FARS2: variants seen among roughly 807,000 people sequenced by gnomAD.
The protein encoded by FARS2 is phenylalanyl-tRNA synthetase 2, mitochondrial.
A neutral mutation model predicts 46.4 loss-of-function variants in FARS2; 40 were observed. That is an observed-to-expected ratio of 0.86 (90% CI 0.67 to 1.12). The LOEUF is 1.12. FARS2 is among the 50% of genes most tolerant of loss of function. FARS2 has a pLI of 0.00. For missense variants in FARS2, 513 were observed against 567.9 expected (o/e 0.90, Z 0.98); for synonymous variants, 234 against 214.9 (o/e 1.09, Z -0.78).
chr6:5,602,095 A>G (rs1774555143), intron 5 of FARS2, among the ~76,000 whole-genome samples: 2 of 152,210 alleles, frequency 1.3e-5, no homozygotes. Context: ...GAATGACTTA[A>G]TAATGATTGA....
chr6:5,667,494 G>A (rs917402776), intron 6 of FARS2, among the ~76,000 whole-genome samples: 2 of 150,866 alleles, frequency 1.3e-5, no homozygotes, highest in Admixed American at 1.3e-4. Context: ...CTCCAGCCTG[G>A]GCAACACAGC....
chr6:5,620,554 G>A (rs1451911858), intron 6 of FARS2, among the ~76,000 whole-genome samples: 1 of 152,140 alleles, frequency 6.6e-6, no homozygotes, highest in Non-Finnish European at 1.5e-5. Flanking sequence ...TCTTTCCATG[G>A]TGTCACCACT....
intron 4 of FARS2, among the ~76,000 whole-genome samples, chr6:5,542,404 G>T (rs567706466): frequency 6.6e-6 from 1 of 152,290 alleles, no homozygotes; most frequent in South Asian, 2.1e-4. Context: ...CAGTGCACAT[G>T]TTTCCATATC....
intron 4 of FARS2, among the ~76,000 whole-genome samples, chr6:5,473,543 A>ACC (rs777002304): frequency 2.0e-5 from 2 of 101,674 alleles, no homozygotes; most frequent in African/African-American, 9.1e-5. Context: ...CAAAAAAAAA[A>ACC]ACAAAAAAAA....
chr6:5,365,630 G>A (rs1758625662), intron 1 of FARS2, among the ~76,000 whole-genome samples: 2 of 151,266 alleles, frequency 1.3e-5, no homozygotes, highest in African/African-American at 4.9e-5. Context: ...AGGATCATAG[G>A]CGTGAGCCAC....
intron 6 of FARS2, among the ~76,000 whole-genome samples, chr6:5,614,048 A>AG (rs1377956667): frequency 6.6e-6 from 1 of 152,102 alleles, no homozygotes; most frequent in Non-Finnish European, 1.5e-5. Flanking sequence ...TCAAGGACCA[A>AG]GGGGGAGGCT....
In FARS2 at chr6:5,489,884, A is replaced by G. The variant is rs1457842876; in HGVS notation, c.905-55296A>G. Among the ~76,000 whole-genome samples, 4 of 152,378 alleles carry G rather than the reference A, an allele frequency of 2.6e-5. No individual in the cohort carries two copies. In the East Asian group the frequency reaches 5.8e-4, roughly 22 times the overall value. On this transcript the variant is annotated intron_variant, in intron 4 of 6. Coordinates refer to ENST00000274680, the MANE Select transcript of FARS2 (RefSeq NM_006567.5). ...TTGAAGTTGAAAAGCATATAATGCC[A>G]TGCACATAATAATATTTTTTATTAC...
At chr6:5,537,862 C>T (rs10080503) in intron 4 of FARS2, among the ~76,000 whole-genome samples, 3,293 of 152,252 alleles carry the variant, frequency 0.022, 42 homozygotes, top group Middle Eastern at 0.027. Flanking sequence ...TCTCCTCCTC[C>T]TCCACTTTCT....
At chr6:5,548,442 A>T (rs566213235) in intron 5 of FARS2, among the ~76,000 whole-genome samples, 15 of 152,190 alleles carry the variant, frequency 9.9e-5, no homozygotes, top group Admixed American at 2.0e-4. Flanking sequence ...TACTTGAATA[A>T]TTATCTGTTT....
intron 1 of FARS2, among the ~76,000 whole-genome samples, chr6:5,315,738 T>TTTCTTTC: frequency 0.022 from 2,712 of 125,240 alleles, 90 homozygotes; most frequent in African/African-American, 0.078. Flanking sequence ...TTCTTTCTTT[T>TTTCTTTC]TTCCTTTCTT....
At chr6:5,324,083 C>A (rs796467865) in intron 1 of FARS2, among the ~76,000 whole-genome samples, 23 of 152,290 alleles carry the variant, frequency 1.5e-4, no homozygotes, top group African/African-American at 5.5e-4. Context: ...CCAGTATGTA[C>A]TCTTAGTCTG....
In FARS2 at chr6:5,450,447, G is replaced by A. The variant is rs1764421050; in HGVS notation, c.904+19275G>A. On this transcript the variant is annotated intron_variant, in intron 4 of 6. Coordinates refer to ENST00000274680, the MANE Select transcript of FARS2 (RefSeq NM_006567.5). Reference sequence around the variant, plus strand: ...AGGCATTTGGGTTTGGGGCGGCCTTGGTCTCCTGCTCCAGCTCCCCCATGC... The same window carrying A: ...AGGCATTTGGGTTTGGGGCGGCCTTAGTCTCCTGCTCCAGCTCCCCCATGC... Among the ~76,000 whole-genome samples the A allele has an allele frequency of 5.3e-5, 8 of 151,990 alleles. No individual in the cohort carries two copies. In the South Asian group the frequency reaches 1.7e-3, roughly 32 times the overall value.
intron 5 of FARS2, 64 bp downstream of exon 5, chr6:5,545,404 C>G: frequency 8.1e-7 from 1 of 1,235,290 alleles, no homozygotes. Flanking sequence ...TCGACAGGAT[C>G]ATGTACTTGA....
chr6:5,661,910 A>AAG (rs1429441155), intron 6 of FARS2, among the ~76,000 whole-genome samples: 2 of 152,292 alleles, frequency 1.3e-5, no homozygotes, highest in East Asian at 1.9e-4. Flanking sequence ...GTAACTATAT[A>AAG]AGAGAGAGAG....
upstream of FARS2, among the ~76,000 whole-genome samples, chr6:5,257,223 T>A (rs555620946): frequency 6.6e-6 from 1 of 152,132 alleles, no homozygotes; most frequent in East Asian, 1.9e-4. Context: ...TCAGTGGCCC[T>A]CTCCAACCTC....
At chr6:5,389,736 G>T (rs1760369651) in intron 2 of FARS2, among the ~76,000 whole-genome samples, 1 of 152,136 alleles carries the variant, frequency 6.6e-6, no homozygotes, top group Admixed American at 6.5e-5. Context: ...ATGTTACAAT[G>T]GAAAAATGCC....
intron 1 of FARS2, among the ~76,000 whole-genome samples, chr6:5,315,761 T>TCTTTCTTTCTTCCTTTC (rs1561952069): frequency 7.5e-6 from 1 of 132,638 alleles, no homozygotes; most frequent in Non-Finnish European, 1.6e-5. Context: ...TTTCTTTCTT[T>TCTTTCTTTCTTCCTTTC]TTTTTGGGGA....
chr6:5,311,264 C>T lies in FARS2; in HGVS notation c.-22+49604C>T, dbSNP rs1242798300. ...ACATGACCCTGTTTGTGTTAAGAAT[C>T]AAAAGGAGTATGTTTTACTGATAGA... On this transcript the variant is annotated intron_variant, in intron 1 of 6. Transcript: ENST00000274680. The surrounding 1 kb of genome is among the most constrained non-coding windows in gnomAD (Gnocchi z 4.1). Among the ~76,000 whole-genome samples, 1 of 152,138 alleles carries T rather than the reference C, an allele frequency of 6.6e-6. No individual in the cohort carries two copies. The highest frequency in any genetic ancestry group is 1.5e-5 in the Non-Finnish European group (1 of 68,022).
At chr6:5,619,017 G>A (rs1479797890) in intron 6 of FARS2, among the ~76,000 whole-genome samples, 1 of 152,182 alleles carries the variant, frequency 6.6e-6, no homozygotes, top group African/African-American at 2.4e-5. Context: ...TTATGGTGTT[G>A]TTTTTTGTTT....
Sources: gnomAD v4.1 joint callset for allele counts (sites outside exome capture counted in the v4.1 genomes callset) on GRCh38, gnomAD v4.1.1 for gene constraint, Gnocchi (gnomAD v3.1) non-coding constraint, MANE v1.5 for transcripts, NCBI Gene and HGNC (gene_info 2026-07-23, HGNC 2026-07-21) for gene names.